S100A7A: variants seen among roughly 807,000 people sequenced by gnomAD.
S100A7A encodes the protein protein S100-A7A.
Under a neutral mutation model 4.0 loss-of-function variants are expected in S100A7A, and 5 were observed. The observed-to-expected ratio is 1.26, with a 90% CI of 0.66 to 2.66. The LOEUF is 2.66. Among genes scored for constraint, S100A7A ranks in the 30% most tolerant of loss-of-function variants. S100A7A has a pLI of 0.01. For missense variants in S100A7A, 159 were observed against 125.1 expected (o/e 1.27, Z -1.29); for synonymous variants, 52 against 46.4 (o/e 1.12, Z -0.49).
chr1:153,422,351 G>T lies in S100A7A; in HGVS notation c.*3042G>T, dbSNP rs377188457. 9.4e-6 allele frequency: 2 copies of T among 213,088 alleles called. No individual in the cohort carries two copies. The highest frequency in any genetic ancestry group is 1.6e-5 in the Non-Finnish European group (2 of 123,678). The allele number at this position is 213,088 out of a possible 1,614,324, so 13.2% of individuals were successfully genotyped here. On this transcript the variant is annotated 3_prime_UTR_variant, in exon 3 of 3. Coordinates refer to ENST00000368729, the MANE Select transcript of S100A7A (RefSeq NM_176823.4). ...TGCATTGGAAGGAGGACATTTTAGA[G>T]CAAGGCCTAAGGGCACAGGTATTAG...
rs1571186428 is a variant in S100A7A at position 153,420,055 on chromosome 1, G to A, written c.*746G>A. Reference sequence around the variant, plus strand: ...GTGATGAATGAATATTCCAGATTTTGAGGAGCTCTAAGTGGTCCAGGAGTC... The same window carrying A: ...GTGATGAATGAATATTCCAGATTTTAAGGAGCTCTAAGTGGTCCAGGAGTC... On this transcript the variant is annotated 3_prime_UTR_variant, in exon 3 of 3. Coordinates refer to ENST00000368729, the MANE Select transcript of S100A7A (RefSeq NM_176823.4). The A allele has an allele frequency of 2.6e-5, 4 of 152,340 alleles. No homozygotes were observed. Among genetic ancestry groups the A allele is most frequent in the African/African-American group, 2.4e-5 (1 of 41,572 alleles). 9.4% of individuals were successfully genotyped at this position (152,340 alleles called of 1,614,324 possible).
chr1:153,418,847 A>G (rs1434408011), intron 2 of S100A7A, among the ~76,000 whole-genome samples: 4 of 152,166 alleles, frequency 2.6e-5, no homozygotes, highest in African/African-American at 9.7e-5. Flanking sequence ...TGCTGGGAAC[A>G]GGCAAGATTG....
At chr1:153,417,738 T>C (rs575006820) in intron 1 of S100A7A, among the ~76,000 whole-genome samples, 19 of 152,144 alleles carry the variant, frequency 1.2e-4, no homozygotes, top group East Asian at 5.8e-4. Flanking sequence ...CATGTGCTGG[T>C]TGAGGCTGGG....
intron 2 of S100A7A, among the ~76,000 whole-genome samples, chr1:153,418,529 A>G (rs1219190532): frequency 6.6e-6 from 1 of 152,198 alleles, no homozygotes. Context: ...TGAAACTCAC[A>G]TGCTCAGGTC....
At chr1:153,419,100 G>T (rs766134796) in intron 2 of S100A7A, 45 bp from the exon 3 acceptor site, 2 of 1,601,718 alleles carry the variant, frequency 1.2e-6, no homozygotes, top group Non-Finnish European at 1.7e-6. Context: ...CCCAAAACTT[G>T]TTTGTGATTG....
chr1:153,416,811 C>T (rs1211344151), intron 1 of S100A7A, among the ~76,000 whole-genome samples: 4 of 152,228 alleles, frequency 2.6e-5, no homozygotes, highest in African/African-American at 9.6e-5. Flanking sequence ...GGAAATGTCC[C>T]CAGTGGGACC....
chr1:153,418,280 A>G, intron 2 of S100A7A, 57 bp downstream of exon 2: 1 of 1,608,284 alleles, frequency 6.2e-7, no homozygotes, highest in Non-Finnish European at 8.5e-7. Context: ...CTGAGGATAC[A>G]TTTTGCTATG....
In S100A7A at chr1:153,420,719, TCTTTC is replaced by T. The variant is rs1662877828; in HGVS notation, c.*1414_*1418del. 6.6e-6 allele frequency: 1 copy of T among 152,274 alleles called. No individual in the cohort carries two copies. The highest frequency in any genetic ancestry group is 2.4e-5 in the African/African-American group (1 of 41,420). 9.4% of individuals were successfully genotyped at this position (152,274 alleles called of 1,614,324 possible). ...CCATGTCTGACCATTAGTTTTCTTC[TCTTTC>T]CTTCTCTCCCTTTCTCATTCTCATT... On this transcript the variant is annotated 3_prime_UTR_variant, in exon 3 of 3. Transcript: ENST00000368729.
rs1453698310 is a variant in S100A7A, at chr1:153,418,186, T to C, written c.104T>C (p.Met35Thr). The C allele has an allele frequency of 3.1e-6, 5 of 1,613,872 alleles. No individual in the cohort carries two copies. Among genetic ancestry groups the C allele is most frequent in the Non-Finnish European group, 4.2e-6 (5 of 1,179,912 alleles). The change falls in exon 2 of 3, where the codon ATG (methionine) becomes ACG (threonine). Residue 35 changes from methionine to threonine, a missense_variant. Transcript: ENST00000368729. Reference protein sequence around the residue: ...GKIEKPSLLTMMKENFPNFLS... With the variant: ...GKIEKPSLLTTMKENFPNFLS... The stretch of plus-strand genomic sequence containing the variant: ...ATTGAGAAGCCAAGCCTGCTGACGA[T>C]GATGAAGGAGAACTTCCCCAATTTC...
Position 153,419,348 on chromosome 1 carries a change from A to C in S100A7A, c.*39A>C, listed in dbSNP as rs1299476302. The C allele has an allele frequency of 1.3e-6, 2 of 1,586,036 alleles. No individual in the cohort carries two copies. The highest frequency in any genetic ancestry group is 1.4e-5 in the African/African-American group (1 of 73,776). ...AGGGGCCTCCAGAGACCCCAGGAACAATAAGTGTCTCCTCCCACCAGACAC... is the reference window on the plus strand; with the variant it reads ...AGGGGCCTCCAGAGACCCCAGGAACCATAAGTGTCTCCTCCCACCAGACAC... On this transcript the variant is annotated 3_prime_UTR_variant, in exon 3 of 3. Coordinates refer to ENST00000368729, the MANE Select transcript of S100A7A (RefSeq NM_176823.4).
In S100A7A at chr1:153,419,190, G is replaced by T. The variant is rs149487541; in HGVS notation, c.187G>T (p.Asp63Tyr). 8 of 1,614,046 alleles carry T rather than the reference G, an allele frequency of 5.0e-6. No homozygotes were observed. The highest frequency in any genetic ancestry group is 5.9e-6 in the Non-Finnish European group (7 of 1,180,028). ...HYLATVFEKK[D>Y]KNEDKKIDFS... Reference sequence around the variant, plus strand: ...CCTCGCCACTGTCTTTGAGAAAAAGGACAAGAATGAGGATAAGAAGATTGA... The same window carrying T: ...CCTCGCCACTGTCTTTGAGAAAAAGTACAAGAATGAGGATAAGAAGATTGA... Residue 63 changes from aspartate to tyrosine, a missense_variant, in exon 3 of 3, where the codon GAC becomes TAC. Physicochemically the swap from Asp to Tyr is radical, Grantham distance 160. Transcript: ENST00000368729.
rs1662934194 is a variant in S100A7A at position 153,422,944 on chromosome 1, T to A, written c.*3635T>A. ...GAGCATACTCATACATGTTCCCTTA[T>A]AAATCTGCGAGGTAGTTTCTTTGGT... is the stretch of plus-strand genomic sequence containing the variant. On this transcript the variant is annotated 3_prime_UTR_variant, in exon 3 of 3. Coordinates refer to ENST00000368729, the MANE Select transcript of S100A7A (RefSeq NM_176823.4). 1 of 152,260 alleles carries A rather than the reference T, an allele frequency of 6.6e-6. No homozygotes were observed. The highest frequency in any genetic ancestry group is 2.4e-5 in the African/African-American group (1 of 41,468). The allele number at this position is 152,260 out of a possible 1,614,324, so 9.4% of individuals were successfully genotyped here. A position where few individuals can be genotyped will look rare whatever the true frequency, so the allele number is the denominator to read the frequency against.
Position 153,418,096 on chromosome 1 carries a change from A to C in S100A7A, c.14A>C (p.Gln5Pro). 1 of 1,614,166 alleles carries C rather than the reference A, an allele frequency of 6.2e-7. No individual in the cohort carries two copies. Among genetic ancestry groups the C allele is most frequent in the Non-Finnish European group, 8.5e-7 (1 of 1,180,010 alleles). MSNT[Q>P]AERSIIGMID... ...TTGAAAGCAAAGATGAGCAACACTC[A>C]AGCTGAGAGGTCCATAATAGGCATG... The change falls in exon 2 of 3, where the codon CAA becomes CCA. Residue 5 changes from glutamine to proline, a missense_variant. Physicochemically the swap from Gln to Pro is moderately conservative, Grantham distance 76. Transcript: ENST00000368729.
rs1662786006 is a variant in S100A7A at position 153,418,192 on chromosome 1, AG to A, written c.112del (p.Glu38ArgfsTer45). 1.2e-6 allele frequency: 2 copies of A among 1,613,874 alleles called. No individual in the cohort carries two copies. The highest frequency in any genetic ancestry group is 2.7e-5 in the African/African-American group (2 of 74,912). On this transcript the variant is annotated frameshift_variant, in exon 2 of 3. Transcript: ENST00000368729. LOFTEE classifies it low-confidence loss of function (END_TRUNC). Reference sequence around the variant, plus strand: ...AAGCCAAGCCTGCTGACGATGATGAAGGAGAACTTCCCCAATTTCCTCAGTG... The same window carrying A: ...AAGCCAAGCCTGCTGACGATGATGAAGAGAACTTCCCCAATTTCCTCAGTG... ...IEKPSLLTMM[K>X]ENFPNFLSAC...
chr1:153,421,226 C>T lies in S100A7A; in HGVS notation c.*1917C>T, dbSNP rs534505240. 1 of 152,220 alleles carries T rather than the reference C, an allele frequency of 6.6e-6. No individual in the cohort carries two copies. The highest frequency in any genetic ancestry group is 1.9e-4 in the East Asian group (1 of 5,206). The allele number at this position is 152,220 out of a possible 1,614,324, so 9.4% of individuals were successfully genotyped here. A position where few individuals can be genotyped will look rare whatever the true frequency, so the allele number is the denominator to read the frequency against. On this transcript the variant is annotated 3_prime_UTR_variant, in exon 3 of 3. Transcript: ENST00000368729. ...ATTAACATTACATTTCAAGGCTGAG[C>T]TTTAATGTCAGTGTCTCTTAGACAT... is the stretch of plus-strand genomic sequence containing the variant.
chr1:153,417,973 T>C, intron 1 of S100A7A, 93 bp from the exon 2 acceptor site: 2 of 1,491,796 alleles, frequency 1.3e-6, no homozygotes, highest in East Asian at 2.3e-5. Flanking sequence ...CTTAGGGCTG[T>C]TTTTACTCTG....
Position 153,418,149 on chromosome 1 carries a change from C to A in S100A7A, c.67C>A (p.Arg23Ser), listed in dbSNP as rs146005479. 27 of 1,614,040 alleles carry A rather than the reference C, an allele frequency of 1.7e-5. No homozygotes were observed. The highest frequency in any genetic ancestry group is 1.3e-4 in the South Asian group (12 of 91,082). ...CGACATGTTTCACAAATACACCGGA[C>A]GTGATGGCAAGATTGAGAAGCCAAG... ...MIDMFHKYTG[R>S]DGKIEKPSLL... The change falls in exon 2 of 3, where the codon CGT becomes AGT. Residue 23 changes from arginine (R) to serine (S), a missense_variant. Transcript: ENST00000368729.
chr1:153,419,563 T>C lies in S100A7A; in HGVS notation c.*254T>C. ...TCACACAGGTCCTGGTGTCTGCCTC[T>C]GCACCGTTCCCTAAATGCAGCCACC... On this transcript the variant is annotated 3_prime_UTR_variant, in exon 3 of 3. Coordinates refer to ENST00000368729, the MANE Select transcript of S100A7A (RefSeq NM_176823.4). 1 of 499,810 alleles carries C rather than the reference T, an allele frequency of 2.0e-6. No individual in the cohort carries two copies. 31.0% of individuals were successfully genotyped at this position (499,810 alleles called of 1,614,324 possible). A position where few individuals can be genotyped will look rare whatever the true frequency, so the allele number is the denominator to read the frequency against.
In S100A7A at chr1:153,418,091, C is replaced by T. The variant is rs767493444; in HGVS notation, c.9C>T (p.Asn3=). The T allele has an allele frequency of 4.3e-6, 7 of 1,613,988 alleles. No individual in the cohort carries two copies. The South Asian group carries it at 7.7e-5, about 18-fold the overall frequency. MS[N]TQAERSIIGM... is the part of the protein sequence containing the mutation. ...GCTTTTTGAAAGCAAAGATGAGCAA[C>T]ACTCAAGCTGAGAGGTCCATAATAG... The change falls in exon 2 of 3, where the codon AAC becomes AAT. Residue 3 remains asparagine, a synonymous_variant. Transcript: ENST00000368729.
Sources: gnomAD v4.1 joint callset for allele counts (sites outside exome capture counted in the v4.1 genomes callset) on GRCh38, gnomAD v4.1.1 for gene constraint, MANE v1.5 for transcripts, NCBI Gene and HGNC (gene_info 2026-07-23, HGNC 2026-07-21) for gene names.